Variants in CHST9 observed in about 807,000 individuals in gnomAD.
CHST9 encodes GalNAc-4-sulfotransferase 2.
CHST9 carries 41 observed loss-of-function variants against 44.4 expected under a neutral mutation model. That is an observed-to-expected ratio of 0.92 (90% confidence interval 0.72 to 1.20). The LOEUF (loss-of-function observed/expected upper bound fraction) is 1.20. Among genes scored for constraint, CHST9 ranks in the 50% most tolerant of loss-of-function variants. CHST9 has a pLI of 0.00. For synonymous variants in CHST9, 171 were observed against 178.4 expected (o/e 0.96, Z 0.33); for missense variants, 504 against 516.5 (o/e 0.98, Z 0.23).
chr18:27,100,480 C>T (rs2058160139), intron 2 of CHST9, among the ~76,000 whole-genome samples: 1 of 152,190 alleles, frequency 6.6e-6, no homozygotes. Context: ...TAAAAACACA[C>T]ACCTATGGAA....
intron 4 of CHST9, among the ~76,000 whole-genome samples, chr18:26,987,656 C>T (rs1408034620): frequency 6.6e-6 from 1 of 151,882 alleles, no homozygotes; most frequent in African/African-American, 2.4e-5. Context: ...TGAATGTGTC[C>T]CCCCATCTCC....
chr18:27,003,792 C>T (rs1012211458), intron 4 of CHST9, among the ~76,000 whole-genome samples: 3 of 152,054 alleles, frequency 2.0e-5, no homozygotes, highest in African/African-American at 4.8e-5. Flanking sequence ...TTTCACTTTT[C>T]AATCTACGGG....
chr18:27,053,630 C>T (rs2057615491), intron 2 of CHST9, among the ~76,000 whole-genome samples: 1 of 152,162 alleles, frequency 6.6e-6, no homozygotes, highest in African/African-American at 2.4e-5. Flanking sequence ...AATCCAATCA[C>T]TCCTAAACAG....
At chr18:27,073,193 G>A (rs2057860459) in intron 2 of CHST9, among the ~76,000 whole-genome samples, 1 of 152,264 alleles carries the variant, frequency 6.6e-6, no homozygotes, top group East Asian at 1.9e-4. Context: ...CCACTATGAC[G>A]TGCAAGGCCA....
intron 2 of CHST9, among the ~76,000 whole-genome samples, chr18:27,117,757 T>A (rs898619058): frequency 6.6e-6 from 1 of 152,216 alleles, no homozygotes; most frequent in African/African-American, 2.4e-5. Flanking sequence ...TAATATTACA[T>A]TGTGTAGAAG....
At chr18:26,975,755 ATATATATAT>A (rs1423083822) in intron 4 of CHST9, among the ~76,000 whole-genome samples, 11 of 121,804 alleles carry the variant, frequency 9.0e-5, no homozygotes, top group Non-Finnish European at 1.6e-4. Context: ...ATATATATAT[ATATATATAT>A]AACATTTTCT....
chr18:26,988,533 T>C (rs2056780205), intron 4 of CHST9, among the ~76,000 whole-genome samples: 1 of 152,006 alleles, frequency 6.6e-6, no homozygotes, highest in South Asian at 2.1e-4. Flanking sequence ...AAAATGGAGA[T>C]TCAAAATACA....
intron 1 of CHST9, among the ~76,000 whole-genome samples, chr18:27,152,199 G>T (rs920441765): frequency 9.9e-5 from 15 of 151,976 alleles, no homozygotes; most frequent in Non-Finnish European, 1.3e-4. Flanking sequence ...TATTTAACAG[G>T]TGTCTTCTAC....
At chr18:27,008,996 T>C (rs1164733221) in intron 4 of CHST9, among the ~76,000 whole-genome samples, 4 of 152,068 alleles carry the variant, frequency 2.6e-5, no homozygotes, top group Non-Finnish European at 5.9e-5. Context: ...GCTCTCACTC[T>C]CGTCCTGTGC....
At chr18:27,153,544 C>CTGTGTG (rs748908317) in intron 1 of CHST9, among the ~76,000 whole-genome samples, 23 of 95,452 alleles carry the variant, frequency 2.4e-4, no homozygotes, top group South Asian at 1.5e-3. Flanking sequence ...CTCTCTCTCT[C>CTGTGTG]TCTGTGTGTG....
At chr18:26,988,274 G>T (rs1335881817) in intron 4 of CHST9, among the ~76,000 whole-genome samples, 1 of 152,028 alleles carries the variant, frequency 6.6e-6, no homozygotes, top group African/African-American at 2.4e-5. Flanking sequence ...ATGTTTATTG[G>T]ATAAAGAAGC....
chr18:27,069,860 A>T lies in CHST9; in HGVS notation c.122-21357T>A, dbSNP rs191031763. Among the ~76,000 whole-genome samples the T allele has an allele frequency of 1.5e-3, 221 of 152,302 alleles. 1 individual carries two copies. The highest frequency in any genetic ancestry group is 4.9e-3 in the African/African-American group (203 of 41,566). On this transcript the variant is annotated intron_variant, in intron 2 of 5. Coordinates refer to ENST00000618847, the MANE Select transcript of CHST9 (RefSeq NM_031422.6). ...ATACTGTTCTAATTTGAATCCTAGT[A>T]AACCAAGCAGCAGCAGTAAATTAGT...
chr18:26,946,472 C>A (rs74675969), intron 4 of CHST9, among the ~76,000 whole-genome samples: 2 of 152,102 alleles, frequency 1.3e-5, no homozygotes, highest in African/African-American at 4.8e-5. Context: ...AGGCAGGAAA[C>A]CCTGCAAAGA....
intron 4 of CHST9, among the ~76,000 whole-genome samples, chr18:27,012,745 C>A (rs548392565): frequency 6.6e-6 from 1 of 152,280 alleles, no homozygotes; most frequent in African/African-American, 2.4e-5. Flanking sequence ...TAGAACTCTA[C>A]TCCAGGTGAT....
At chr18:27,152,634 A>T (rs1285802514) in intron 1 of CHST9, among the ~76,000 whole-genome samples, 1 of 152,220 alleles carries the variant, frequency 6.6e-6, no homozygotes, top group African/African-American at 2.4e-5. Context: ...CATCATCAGG[A>T]TCAATGTTAA....
chr18:27,041,586 T>C (rs1449663129), intron 3 of CHST9, among the ~76,000 whole-genome samples: 1 of 152,112 alleles, frequency 6.6e-6, no homozygotes, highest in Non-Finnish European at 1.5e-5. Context: ...ACATCAAATA[T>C]GTGGAGGGAA....
At chr18:27,138,649 C>T (rs1014059449) in intron 2 of CHST9, among the ~76,000 whole-genome samples, 3 of 152,144 alleles carry the variant, frequency 2.0e-5, no homozygotes, top group African/African-American at 4.8e-5. Context: ...TAACAGCTCA[C>T]GTTCATTGTG....
chr18:26,944,050 TCA>T (rs1043965767), intron 5 of CHST9, among the ~76,000 whole-genome samples: 1 of 152,122 alleles, frequency 6.6e-6, no homozygotes, highest in African/African-American at 2.4e-5. Context: ...CACAATAAGG[TCA>T]CAGAGATACT....
intron 3 of CHST9, among the ~76,000 whole-genome samples, chr18:27,027,091 T>G (rs2057292386): frequency 1.3e-5 from 2 of 152,324 alleles, no homozygotes; most frequent in East Asian, 3.9e-4. Context: ...CTGAGCCAGG[T>G]AGAGCTCACA....
Sources: allele counts gnomAD v4.1 joint callset (sites outside exome capture counted in the v4.1 genomes callset), GRCh38; gene constraint gnomAD v4.1.1; transcripts MANE v1.5; gene names NCBI Gene and HGNC (gene_info 2026-07-23, HGNC 2026-07-21).